The following XIRP2 variants were observed in gnomAD, a reference collection of about 807,000 sequenced individuals.
XIRP2 encodes the protein xin actin-binding repeat-containing protein 2.
In XIRP2, 236 loss-of-function variants were observed where a neutral mutation model predicts 277.0. The observed-to-expected ratio is 0.85, with a 90% CI of 0.77 to 0.95. The LOEUF (loss-of-function observed/expected upper bound fraction) is 0.95. Among genes scored for constraint, XIRP2 ranks in the 40% least tolerant of loss-of-function variants. The pLI is 0.00. For synonymous variants in XIRP2, 1,490 were observed against 1,416.5 expected (o/e 1.05, Z -1.17); for missense variants, 4,640 against 4,157.5 (o/e 1.12, Z -3.19).
In XIRP2 at chr2:167,158,434, G is replaced by A. The variant is rs146577546; in HGVS notation, c.562+22372G>A. ...TAAATACAAAAGAGGTAATGTAGAT[G>A]TGTTTATGCATCAGTTAATCAAACC... On this transcript the variant is annotated intron_variant, in intron 3 of 10. Coordinates refer to ENST00000409195, the MANE Select transcript of XIRP2 (RefSeq NM_152381.6). 7.7e-3 allele frequency among the ~76,000 whole-genome samples: 1,171 copies of A among 152,282 alleles called. 9 individuals are homozygous for A. The highest frequency in any genetic ancestry group is 0.012 in the Admixed American group (184 of 15,288).
chr2:167,092,139 A>C (rs1297851810), intron 2 of XIRP2, among the ~76,000 whole-genome samples: 1 of 152,158 alleles, frequency 6.6e-6, no homozygotes, highest in Non-Finnish European at 1.5e-5. Flanking sequence ...GAACCAAGTT[A>C]CCTAGTCTGG....
intron 2 of XIRP2, among the ~76,000 whole-genome samples, chr2:167,005,290 C>G (rs1015784639): frequency 1.3e-5 from 2 of 151,840 alleles, no homozygotes; most frequent in Admixed American, 6.6e-5. Context: ...TCTTTAGAGA[C>G]TATATTAGCC....
chr2:167,258,331 T>A lies in XIRP2; in HGVS notation c.*514T>A, dbSNP rs754215837. On this transcript the variant is annotated 3_prime_UTR_variant, in exon 11 of 11. Transcript: ENST00000409195. Reference sequence around the variant, plus strand: ...CAGAAAATAAAGGACAAAGACAAGATCACTTTCCATTTTTGCAGCCTTATC... The same window carrying A: ...CAGAAAATAAAGGACAAAGACAAGAACACTTTCCATTTTTGCAGCCTTATC... 1.4e-5 allele frequency: 22 copies of A among 1,613,106 alleles called. No homozygotes were observed. Among genetic ancestry groups the A allele is most frequent in the Non-Finnish European group, 1.9e-5 (22 of 1,179,592 alleles).
intron 3 of XIRP2, among the ~76,000 whole-genome samples, chr2:167,160,253 A>G (rs1574309332): frequency 6.6e-6 from 1 of 152,374 alleles, no homozygotes; most frequent in Middle Eastern, 3.4e-3. Context: ...AAAAGCTTAA[A>G]GAAAAGTTTT....
intron 2 of XIRP2, among the ~76,000 whole-genome samples, chr2:167,089,285 C>A (rs1271358047): frequency 6.6e-6 from 1 of 152,050 alleles, no homozygotes; most frequent in African/African-American, 2.4e-5. Flanking sequence ...GAGATTTTTT[C>A]CGTGTCTCCT....
intron 2 of XIRP2, among the ~76,000 whole-genome samples, chr2:167,020,108 T>G (rs1276300605): frequency 3.3e-5 from 5 of 152,016 alleles, no homozygotes; most frequent in Non-Finnish European, 1.5e-5. Flanking sequence ...ATTAGAACAT[T>G]TGTTTCAATC....
intron 3 of XIRP2, among the ~76,000 whole-genome samples, chr2:167,165,750 A>T (rs564853667): frequency 6.6e-6 from 1 of 152,328 alleles, no homozygotes; most frequent in South Asian, 2.1e-4. Context: ...CCCTTATCAG[A>T]TAAGTCTTTT....
In XIRP2 at chr2:167,258,006, A is replaced by G. The variant is rs759424346; in HGVS notation, c.*189A>G. On this transcript the variant is annotated 3_prime_UTR_variant, in exon 11 of 11. Coordinates refer to ENST00000409195, the MANE Select transcript of XIRP2 (RefSeq NM_152381.6). ...TGCAAAAACCAAAGCAGATCAGTGGACTTTATTCCTAATGAAGAACCAAAT... is the reference window on the plus strand; with the variant it reads ...TGCAAAAACCAAAGCAGATCAGTGGGCTTTATTCCTAATGAAGAACCAAAT... 2 of 1,613,218 alleles carry G rather than the reference A, an allele frequency of 1.2e-6. No homozygotes were observed. Among genetic ancestry groups the G allele is most frequent in the Non-Finnish European group, 1.7e-6 (2 of 1,179,506 alleles).
intron 3 of XIRP2, among the ~76,000 whole-genome samples, chr2:167,166,870 G>A (rs867922553): frequency 7.2e-5 from 11 of 152,142 alleles, no homozygotes; most frequent in Middle Eastern, 3.2e-3. Flanking sequence ...CAATGGTGTT[G>A]TTGGATTCAA....
intron 2 of XIRP2, among the ~76,000 whole-genome samples, chr2:166,968,243 T>C (rs920593050): frequency 6.6e-6 from 1 of 151,956 alleles, no homozygotes; most frequent in African/African-American, 2.4e-5. Flanking sequence ...GCCCACATCA[T>C]GAGGAGGTCT....
At chr2:167,012,537 T>C (rs1316249173) in intron 2 of XIRP2, among the ~76,000 whole-genome samples, 1 of 151,612 alleles carries the variant, frequency 6.6e-6, no homozygotes, top group Non-Finnish European at 1.5e-5. Context: ...GTGGTACACA[T>C]AATCATCTAC....
At chr2:167,006,456 TTC>T (rs1190317415) in intron 2 of XIRP2, among the ~76,000 whole-genome samples, 2 of 151,690 alleles carry the variant, frequency 1.3e-5, no homozygotes, top group African/African-American at 4.8e-5. Context: ...CTTTTTCTTT[TTC>T]AAGACTGTTG....
At chr2:167,027,022 C>G (rs1688181279) in intron 2 of XIRP2, among the ~76,000 whole-genome samples, 1 of 151,950 alleles carries the variant, frequency 6.6e-6, no homozygotes, top group Admixed American at 6.6e-5. Context: ...GTGGCGTTCT[C>G]TATATTTCCT....
chr2:167,049,896 G>A (rs753089688), intron 2 of XIRP2, among the ~76,000 whole-genome samples: 5 of 151,952 alleles, frequency 3.3e-5, no homozygotes, highest in Non-Finnish European at 7.4e-5. Context: ...CGTTGTTTTA[G>A]TTTTAGTTTT....
chr2:167,160,689 A>G (rs1014440043), intron 3 of XIRP2, among the ~76,000 whole-genome samples: 2 of 152,142 alleles, frequency 1.3e-5, no homozygotes, highest in Admixed American at 1.3e-4. Context: ...TCCACAACAC[A>G]TGAGAATTCG....
At chr2:166,929,405 G>T (rs947778564) in intron 2 of XIRP2, among the ~76,000 whole-genome samples, 22 of 152,078 alleles carry the variant, frequency 1.4e-4, no homozygotes, top group African/African-American at 4.8e-4. Flanking sequence ...AGATTTCAGG[G>T]ATTTAAATTT....
At chr2:166,949,142 G>A (rs938706236) in intron 2 of XIRP2, among the ~76,000 whole-genome samples, 2 of 151,702 alleles carry the variant, frequency 1.3e-5, no homozygotes, top group Non-Finnish European at 2.9e-5. Flanking sequence ...ATGAGCAACT[G>A]GTCCAGCATC....
chr2:167,173,243 C>G (rs1692747335), intron 3 of XIRP2, among the ~76,000 whole-genome samples: 1 of 151,910 alleles, frequency 6.6e-6, no homozygotes, highest in Non-Finnish European at 1.5e-5. Context: ...TTTTTTGGAC[C>G]CATTAACCAT....
chr2:166,913,311 C>CG (rs907551580), intron 2 of XIRP2, among the ~76,000 whole-genome samples: 10 of 24,576 alleles, frequency 4.1e-4, no homozygotes, highest in African/African-American at 7.7e-4. Flanking sequence ...ATGGTGGGCA[C>CG]CCCCCCCCCC....
Sources: allele counts gnomAD v4.1 joint callset (sites outside exome capture counted in the v4.1 genomes callset), GRCh38; gene constraint gnomAD v4.1.1; transcripts MANE v1.5; gene names NCBI Gene and HGNC (gene_info 2026-07-23, HGNC 2026-07-21).